BTBD7: variants seen among roughly 807,000 people sequenced by gnomAD.
BTBD7 encodes the protein BTB domain containing 7, also known as BTB/POZ domain-containing protein 7.
In BTBD7, 38 loss-of-function variants were observed where a neutral mutation model predicts 99.9. The observed-to-expected ratio is 0.38, with a 90% CI of 0.29 to 0.50. BTBD7 has a LOEUF of 0.50. Among genes scored for constraint, BTBD7 ranks in the 20% least tolerant of loss-of-function variants. The probability of loss-of-function intolerance (pLI) is 0.93; values close to 1 mark genes in which losing one functional copy is unlikely to be tolerated. For synonymous variants in BTBD7, 520 were observed against 511.4 expected, an observed-to-expected ratio of 1.02 and a Z score of -0.23; for missense variants, 1,170 against 1,394.6, an observed-to-expected ratio of 0.84 and a Z score of 2.57.
At chr14:93,296,671 GGGA>G (rs1180415523) in intron 1 of BTBD7, among the ~76,000 whole-genome samples, 9 of 152,144 alleles carry the variant, frequency 5.9e-5, no homozygotes, top group Admixed American at 2.0e-4. Context: ...TACTAAAAGA[GGGA>G]GGAGGAAAGG....
intron 1 of BTBD7, among the ~76,000 whole-genome samples, chr14:93,331,602 C>T (rs66459754): frequency 0.083 from 12,685 of 152,244 alleles, 573 homozygotes; most frequent in Middle Eastern, 0.17. Flanking sequence ...TTGACCAGAC[C>T]GGGCGCGGTG....
intron 1 of BTBD7, among the ~76,000 whole-genome samples, chr14:93,326,084 T>C (rs1183083675): frequency 2.0e-5 from 3 of 151,970 alleles, no homozygotes; most frequent in African/African-American, 4.9e-5. Flanking sequence ...TGGTGGTTCT[T>C]AACTTTTGAA....
chr14:93,313,994 C>CTT (rs2053170865), intron 1 of BTBD7, among the ~76,000 whole-genome samples: 1 of 151,996 alleles, frequency 6.6e-6, no homozygotes, highest in Admixed American at 6.6e-5. Flanking sequence ...GACCTTCCTG[C>CTT]CTCAGCTTTG....
chr14:93,240,483 T>C lies in BTBD7; in HGVS notation c.*1790A>G, dbSNP rs1223154597. The stretch of plus-strand genomic sequence containing the variant: ...AAGTGCATGTAATTCATTTACCCGG[T>C]AGCTCATAAACGCTCCCTAGCCCTG... On this transcript the variant is annotated 3_prime_UTR_variant, in exon 11 of 11. Transcript: ENST00000334746. The C allele has an allele frequency of 6.6e-6, 1 of 152,646 alleles. No individual in the cohort carries two copies. Among genetic ancestry groups the C allele is most frequent in the Non-Finnish European group, 1.5e-5 (1 of 68,042 alleles). The allele number at this position is 152,646 out of a possible 1,614,324, so 9.5% of individuals were successfully genotyped here. A position where few individuals can be genotyped will look rare whatever the true frequency, so the allele number is the denominator to read the frequency against.
chr14:93,285,154 C>A (rs968691162), intron 3 of BTBD7, among the ~76,000 whole-genome samples: 1 of 152,076 alleles, frequency 6.6e-6, no homozygotes, highest in African/African-American at 2.4e-5. Flanking sequence ...CTCAACAGAA[C>A]TGAGACAGAG....
At chr14:93,263,227 A>T (rs529881875) in intron 4 of BTBD7, among the ~76,000 whole-genome samples, 1 of 152,234 alleles carries the variant, frequency 6.6e-6, no homozygotes, top group Non-Finnish European at 1.5e-5. Context: ...ATCTATTATT[A>T]ATGTAAATTT....
intron 6 of BTBD7, chr14:93,256,677 C>G (rs1389187864): frequency 6.6e-6 from 1 of 152,324 alleles, no homozygotes; most frequent in African/African-American, 2.4e-5. Flanking sequence ...CCTTGGCGTC[C>G]CAAAGTGCTG....
chr14:93,316,455 T>C (rs142697336), intron 1 of BTBD7, among the ~76,000 whole-genome samples: 3 of 152,144 alleles, frequency 2.0e-5, no homozygotes, highest in East Asian at 1.9e-4. Flanking sequence ...TGGTGTGTTA[T>C]AAAGGTTGGT....
chr14:93,313,809 T>A (rs915635740), intron 1 of BTBD7, among the ~76,000 whole-genome samples: 1 of 152,052 alleles, frequency 6.6e-6, no homozygotes, highest in African/African-American at 2.4e-5. Flanking sequence ...TCATAGCTCA[T>A]TGCAGCCTCC....
chr14:93,248,991 T>C (rs1009446868), intron 8 of BTBD7, among the ~76,000 whole-genome samples: 1 of 152,162 alleles, frequency 6.6e-6, no homozygotes. Context: ...ATTCAAATAA[T>C]TTTTTGAGTC....
At chr14:93,252,444 C>T (rs577896040) in intron 7 of BTBD7, among the ~76,000 whole-genome samples, 4 of 151,946 alleles carry the variant, frequency 2.6e-5, no homozygotes, top group South Asian at 4.2e-4. Context: ...CAGTCTTGAC[C>T]TCCCAGGCTC....
rs971766595 is a variant in BTBD7 at position 93,242,133 on chromosome 14, C to T, written c.*140G>A. On this transcript the variant is annotated 3_prime_UTR_variant, in exon 11 of 11. Coordinates refer to ENST00000334746, the MANE Select transcript of BTBD7 (RefSeq NM_001002860.4). ...CTTAGCATGCCATGTCTAATAAACACATATATACACAAAAACTAGAACAAA... is the reference window on the plus strand; with the variant it reads ...CTTAGCATGCCATGTCTAATAAACATATATATACACAAAAACTAGAACAAA... The T allele has an allele frequency of 4.1e-6, 3 of 725,234 alleles. No individual in the cohort carries two copies. Among genetic ancestry groups the T allele is most frequent in the Admixed American group, 2.9e-5 (1 of 34,460 alleles). 44.9% of individuals were successfully genotyped at this position (725,234 alleles called of 1,614,324 possible).
chr14:93,326,164 G>T (rs1340870033), intron 1 of BTBD7, among the ~76,000 whole-genome samples: 2 of 152,198 alleles, frequency 1.3e-5, no homozygotes, highest in Non-Finnish European at 2.9e-5. Context: ...CACTTGAAAA[G>T]TTTCGTTGAA....
intron 3 of BTBD7, among the ~76,000 whole-genome samples, chr14:93,271,739 TC>T (rs2052603154): frequency 6.6e-6 from 1 of 152,198 alleles, no homozygotes. Flanking sequence ...GTGTGATGGC[TC>T]ACACCGGTAA....
At chr14:93,277,362 C>T (rs2052667691) in intron 3 of BTBD7, among the ~76,000 whole-genome samples, 1 of 152,120 alleles carries the variant, frequency 6.6e-6, no homozygotes, top group Non-Finnish European at 1.5e-5. Context: ...ATGGGGATGT[C>T]AGTTCTCTGC....
chr14:93,275,489 T>C (rs372373963), intron 3 of BTBD7, among the ~76,000 whole-genome samples: 1 of 152,226 alleles, frequency 6.6e-6, no homozygotes, highest in African/African-American at 2.4e-5. Flanking sequence ...GTTGTCCCTG[T>C]TGGGTAAAGA....
At chr14:93,261,140 C>A (rs925345675) in intron 5 of BTBD7, among the ~76,000 whole-genome samples, 1 of 152,154 alleles carries the variant, frequency 6.6e-6, no homozygotes, top group Non-Finnish European at 1.5e-5. Context: ...AGCCTGTACT[C>A]GTATTTTTAA....
At chr14:93,317,919 T>C (rs1368837786) in intron 1 of BTBD7, among the ~76,000 whole-genome samples, 3 of 152,242 alleles carry the variant, frequency 2.0e-5, no homozygotes, top group Non-Finnish European at 4.4e-5. Flanking sequence ...TAAGCTTCCC[T>C]GGAAGACAAC....
At position 93,293,769 on chromosome 14, in the gene BTBD7, T is replaced by C. The variant is rs931286630; in HGVS notation, c.1162+89A>G. Reference sequence around the variant, plus strand: ...ACTGACCCTGTAACATCCCAAACACTGAAATCATAGAATATACTGGTTGTG... The same window carrying C: ...ACTGACCCTGTAACATCCCAAACACCGAAATCATAGAATATACTGGTTGTG... On this transcript the variant is annotated intron_variant, in intron 3 of 10. Coordinates refer to ENST00000334746, the MANE Select transcript of BTBD7 (RefSeq NM_001002860.4). The C allele has an allele frequency of 2.6e-5, 38 of 1,482,586 alleles. No homozygotes were observed. In the African/African-American group the frequency reaches 3.5e-4, roughly 14 times the overall value. The allele number at this position is 1,482,586 out of a possible 1,614,324, so 91.8% of individuals were successfully genotyped here.
Sources: gnomAD v4.1 joint callset for allele counts (sites outside exome capture counted in the v4.1 genomes callset) on GRCh38, gnomAD v4.1.1 for gene constraint, MANE v1.5 for transcripts, NCBI Gene and HGNC (gene_info 2026-07-23, HGNC 2026-07-21) for gene names.